LRRC3B: variants seen among roughly 807,000 people sequenced by gnomAD.
LRRC3B encodes the protein leucine-rich repeat-containing protein 3B.
Under a neutral mutation model 12.8 loss-of-function variants are expected in LRRC3B, and 2 were observed. That is an observed-to-expected ratio of 0.16 (90% CI 0.06 to 0.49). The LOEUF is 0.49. LRRC3B is among the 20% of genes least tolerant of loss of function. The probability of loss-of-function intolerance (pLI) is 0.96; values close to 1 mark genes in which losing one functional copy is unlikely to be tolerated. For synonymous variants in LRRC3B, 132 were observed against 122.0 expected, an observed-to-expected ratio of 1.08 and a Z score of -0.54; for missense variants, 189 against 319.4, an observed-to-expected ratio of 0.59 and a Z score of 3.11.
chr3:26,690,517 G>T (rs3912761), intron 1 of LRRC3B, among the ~76,000 whole-genome samples: 129,038 of 152,128 alleles, frequency 0.85, 55,335 homozygotes, highest in East Asian at 1. Context: ...AAAGTTTTAT[G>T]TGGTTCATTG....
chr3:26,708,716 T>C (rs1700669482), intron 1 of LRRC3B, among the ~76,000 whole-genome samples: 1 of 152,234 alleles, frequency 6.6e-6, no homozygotes, highest in South Asian at 2.1e-4. Flanking sequence ...GTATGCAACA[T>C]GCAACATATG....
rs564915473 is a variant in LRRC3B, at chr3:26,623,431, T to A, written c.-161+194T>A. Among the ~76,000 whole-genome samples the A allele has an allele frequency of 1.6e-4, 24 of 152,276 alleles. No homozygotes were observed. The East Asian group carries it at 3.5e-3, about 22-fold the overall frequency. On this transcript the variant is annotated intron_variant, in intron 1 of 1. Transcript: ENST00000396641. ...CCTCCTGGAGAGAGAGAGTCGACCC[T>A]CTTCGCTCCTGTTCAGCCGGCTGCT...
intron 1 of LRRC3B, among the ~76,000 whole-genome samples, chr3:26,664,061 C>A (rs1699548688): frequency 6.6e-6 from 1 of 152,140 alleles, no homozygotes; most frequent in Non-Finnish European, 1.5e-5. Context: ...ACATAGAAGT[C>A]TTCCTATGCT....
At chr3:26,657,509 G>A (rs1699396425) in intron 1 of LRRC3B, among the ~76,000 whole-genome samples, 1 of 152,194 alleles carries the variant, frequency 6.6e-6, no homozygotes, top group Non-Finnish European at 1.5e-5. Flanking sequence ...CTCCTTGAGG[G>A]TAAAATTTAT....
At chr3:26,646,594 G>T (rs1699149482) in intron 1 of LRRC3B, among the ~76,000 whole-genome samples, 1 of 91,332 alleles carries the variant, frequency 1.1e-5, no homozygotes, top group Non-Finnish European at 2.0e-5. Context: ...CTAAGGATAG[G>T]AGGTAAAAAA....
chr3:26,661,039 A>G (rs1442481466), intron 1 of LRRC3B, among the ~76,000 whole-genome samples: 2 of 152,200 alleles, frequency 1.3e-5, no homozygotes, highest in Non-Finnish European at 2.9e-5. Context: ...ATTTTCTTAG[A>G]TATTTGAACA....
intron 1 of LRRC3B, among the ~76,000 whole-genome samples, chr3:26,644,761 G>C (rs1216446336): frequency 6.6e-6 from 1 of 152,176 alleles, no homozygotes; most frequent in Non-Finnish European, 1.5e-5. Context: ...TCCAAAGTGT[G>C]ATAATTGCAG....
intron 1 of LRRC3B, among the ~76,000 whole-genome samples, chr3:26,645,700 G>C (rs886227095): frequency 1.3e-4 from 20 of 151,924 alleles, no homozygotes; most frequent in Admixed American, 6.6e-5. Flanking sequence ...TGGAGTGTGA[G>C]GGATAGAAAA....
At chr3:26,623,855 G>A (rs922338318) in intron 1 of LRRC3B, 2 of 152,384 alleles carry the variant, frequency 1.3e-5, no homozygotes, top group Non-Finnish European at 2.9e-5. Flanking sequence ...AACTGCAAGT[G>A]CAGATATGGG....
chr3:26,676,409 T>C (rs970624721), intron 1 of LRRC3B, among the ~76,000 whole-genome samples: 2 of 152,162 alleles, frequency 1.3e-5, no homozygotes, highest in African/African-American at 4.8e-5. Flanking sequence ...ACAAAGGACA[T>C]GAACTCATCA....
intron 1 of LRRC3B, among the ~76,000 whole-genome samples, chr3:26,635,068 T>C (rs1476279197): frequency 6.6e-6 from 1 of 152,188 alleles, no homozygotes; most frequent in East Asian, 1.9e-4. Flanking sequence ...ATTATGAGTT[T>C]TGGCTCCACT....
chr3:26,646,626 A>AC (rs1699154793), intron 1 of LRRC3B, among the ~76,000 whole-genome samples: 1 of 146,050 alleles, frequency 6.8e-6, no homozygotes, highest in African/African-American at 2.6e-5. Context: ...AAAAAAAAAA[A>AC]AAAAAAAAAA....
exon 2 of LRRC3B, chr3:26,710,154 C>T (rs749724681): frequency 1.1e-5 from 17 of 1,613,774 alleles, no homozygotes; most frequent in East Asian, 4.5e-5. Context: ...AGGAGCATGG[C>T]GTCCAATCAT....
intron 1 of LRRC3B, among the ~76,000 whole-genome samples, chr3:26,652,480 T>G (rs572304582): frequency 6.6e-6 from 1 of 152,306 alleles, no homozygotes; most frequent in African/African-American, 2.4e-5. Context: ...AATGCAAGTC[T>G]GCAGAGGGGT....
chr3:26,655,708 A>G (rs1249634116), intron 1 of LRRC3B, among the ~76,000 whole-genome samples: 4 of 152,118 alleles, frequency 2.6e-5, no homozygotes, highest in Admixed American at 1.3e-4. Context: ...TAACCACCCT[A>G]TTACCTTCAG....
At chr3:26,640,197 C>A (rs1027654127) in intron 1 of LRRC3B, among the ~76,000 whole-genome samples, 1 of 152,094 alleles carries the variant, frequency 6.6e-6, no homozygotes, top group Admixed American at 6.5e-5. Flanking sequence ...AGAATTGTTA[C>A]CCTAAACCCC....
chr3:26,632,892 ATTGT>A (rs1698788283), intron 1 of LRRC3B, among the ~76,000 whole-genome samples: 1 of 151,960 alleles, frequency 6.6e-6, no homozygotes, highest in Non-Finnish European at 1.5e-5. Flanking sequence ...TGTGCTGACG[ATTGT>A]CCACATTTTT....
rs147216518 is a variant in LRRC3B, at chr3:26,644,957, A to C, written c.-161+21720A>C. The stretch of plus-strand genomic sequence containing the variant: ...ATATACACATATACATATGCATATG[A>C]AAACATAGACCTGCAGACACATACA... On this transcript the variant is annotated intron_variant, in intron 1 of 1. Transcript: ENST00000396641. 1.8e-3 allele frequency among the ~76,000 whole-genome samples: 279 copies of C among 152,304 alleles called. 6 individuals carry two copies. Among genetic ancestry groups the C allele is most frequent in the Admixed American group, 0.016 (249 of 15,296 alleles).
At chr3:26,706,649 T>TAAAC (rs1220223880) in intron 1 of LRRC3B, among the ~76,000 whole-genome samples, 4 of 152,232 alleles carry the variant, frequency 2.6e-5, no homozygotes, top group African/African-American at 9.6e-5. Flanking sequence ...ACCTGTGTCC[T>TAAAC]AAACATTTCT....
Sources: allele counts gnomAD v4.1 joint callset (sites outside exome capture counted in the v4.1 genomes callset), GRCh38; gene constraint gnomAD v4.1.1; transcripts MANE v1.5; gene names NCBI Gene and HGNC (gene_info 2026-07-23, HGNC 2026-07-21).